The following ADGRB3 variants were observed in gnomAD, a reference collection of about 807,000 sequenced individuals.
ADGRB3 encodes brain-specific angiogenesis inhibitor 3.
ADGRB3 carries 37 observed loss-of-function variants against 193.4 expected under a neutral mutation model. The ratio of observed to expected loss-of-function variants is 0.19; its 90% CI spans 0.15 to 0.25. The LOEUF is 0.25. Among genes scored for constraint, ADGRB3 ranks in the 10% least tolerant of loss-of-function variants. The probability of loss-of-function intolerance (pLI) is 1.00; values close to 1 mark genes in which losing one functional copy is unlikely to be tolerated. For synonymous variants in ADGRB3, 690 were observed against 644.2 expected (o/e 1.07, Z -1.08); for missense variants, 1,637 against 1,852.9 (o/e 0.88, Z 2.14).
Position 69,131,916 on chromosome 6 carries a change from GGTTTACAGTTTCA to G in ADGRB3, c.2480+55879_2480+55891del, listed in dbSNP as rs536793663. On this transcript the variant is annotated intron_variant, in intron 17 of 31. Transcript: ENST00000370598. ...TCTGTGTTAGTTTGCTGAGAATGAT[GGTTTACAGTTTCA>G]TCCATGTCCCTGCAAAGGACATGAA... Among the ~76,000 whole-genome samples the G allele has an allele frequency of 1.8e-3, 271 of 152,080 alleles. 2 individuals carry two copies. Among genetic ancestry groups the G allele is most frequent in the Middle Eastern group, 0.01 (3 of 294 alleles).
chr6:68,981,294 T>C (rs1027521385), intron 10 of ADGRB3, among the ~76,000 whole-genome samples: 3 of 151,702 alleles, frequency 2.0e-5, no homozygotes, highest in Non-Finnish European at 3.0e-5. Flanking sequence ...TCCACAGTTA[T>C]GGAGTTTTTA....
chr6:69,040,357 C>CTTTCTTTCTTTCTTTCTTTCT (rs1562133191), intron 13 of ADGRB3, among the ~76,000 whole-genome samples: 4 of 63,178 alleles, frequency 6.3e-5, no homozygotes, highest in Admixed American at 2.1e-4. Context: ...TTCTTTCTTT[C>CTTTCTTTCTTTCTTTCTTTCT]TTTCTTTCTT....
chr6:68,680,486 G>A (rs934408742), intron 3 of ADGRB3, among the ~76,000 whole-genome samples: 14 of 152,108 alleles, frequency 9.2e-5, no homozygotes, highest in Non-Finnish European at 1.8e-4. Context: ...GGCCTTTAGA[G>A]CATTTTGGAC....
chr6:68,643,216 T>G (rs941150935), intron 3 of ADGRB3, among the ~76,000 whole-genome samples: 2 of 152,176 alleles, frequency 1.3e-5, no homozygotes, highest in Middle Eastern at 3.2e-3. Flanking sequence ...TGCTAATCCT[T>G]GATATTCTAC....
chr6:69,298,533 C>T (rs923883145), intron 20 of ADGRB3, among the ~76,000 whole-genome samples: 1 of 151,930 alleles, frequency 6.6e-6, no homozygotes, highest in Middle Eastern at 3.4e-3. Context: ...CTTTATTACC[C>T]TCTCCGTATT....
intron 3 of ADGRB3, among the ~76,000 whole-genome samples, chr6:68,847,056 G>T (rs76048982): frequency 0.03 from 4,569 of 152,254 alleles, 200 homozygotes; most frequent in African/African-American, 0.1. Flanking sequence ...GGAGTCAAAG[G>T]TGATCATTTT....
At chr6:69,060,396 GCT>G (rs2150306927) in intron 15 of ADGRB3, among the ~76,000 whole-genome samples, 1 of 152,042 alleles carries the variant, frequency 6.6e-6, no homozygotes, top group South Asian at 2.1e-4. Context: ...TAGCTACTTT[GCT>G]CCTTACAGAC....
chr6:69,277,352 A>G (rs1283479806), intron 20 of ADGRB3, among the ~76,000 whole-genome samples: 1 of 152,078 alleles, frequency 6.6e-6, no homozygotes, highest in Non-Finnish European at 1.5e-5. Flanking sequence ...ACTTTTTGCA[A>G]TGTGGCTCTA....
intron 3 of ADGRB3, among the ~76,000 whole-genome samples, chr6:68,870,397 G>C (rs1227013837): frequency 6.6e-6 from 1 of 152,122 alleles, no homozygotes; most frequent in Non-Finnish European, 1.5e-5. Flanking sequence ...AGCATGTCTT[G>C]AAAAATCAAG....
At chr6:69,302,627 T>A (rs1444871528) in intron 20 of ADGRB3, among the ~76,000 whole-genome samples, 1 of 151,910 alleles carries the variant, frequency 6.6e-6, no homozygotes, top group Non-Finnish European at 1.5e-5. Context: ...CACAGTACTC[T>A]ATGGAAAGGA....
chr6:69,141,666 A>G (rs1322033634), intron 17 of ADGRB3, among the ~76,000 whole-genome samples: 1 of 152,130 alleles, frequency 6.6e-6, no homozygotes, highest in African/African-American at 2.4e-5. Flanking sequence ...CAGGCAGTCC[A>G]TGTGGAACCG....
intron 3 of ADGRB3, among the ~76,000 whole-genome samples, chr6:68,842,639 G>T (rs993463503): frequency 1.3e-5 from 2 of 151,864 alleles, no homozygotes; most frequent in African/African-American, 4.8e-5. Context: ...CAAAATAGAG[G>T]AGGAGAGAAT....
chr6:68,649,403 A>G (rs1486264226), intron 3 of ADGRB3, among the ~76,000 whole-genome samples: 3 of 152,170 alleles, frequency 2.0e-5, no homozygotes, highest in Non-Finnish European at 4.4e-5. Context: ...GATAAATCTA[A>G]TCATTAAAAT....
At chr6:68,767,001 C>T (rs1258783656) in intron 3 of ADGRB3, among the ~76,000 whole-genome samples, 1 of 151,950 alleles carries the variant, frequency 6.6e-6, no homozygotes, top group Non-Finnish European at 1.5e-5. Flanking sequence ...TAGTCATGGT[C>T]GTATTTTCTC....
chr6:68,841,413 A>G (rs898859175), intron 3 of ADGRB3, among the ~76,000 whole-genome samples: 6 of 152,178 alleles, frequency 3.9e-5, no homozygotes, highest in Non-Finnish European at 8.8e-5. Flanking sequence ...TTCTCTGGCC[A>G]CAATGGAATA....
chr6:69,026,118 A>T (rs1770427009), intron 13 of ADGRB3, among the ~76,000 whole-genome samples: 1 of 152,224 alleles, frequency 6.6e-6, no homozygotes, highest in South Asian at 2.1e-4. Flanking sequence ...AATGAATTAG[A>T]CAAACCTCTT....
chr6:68,817,359 A>G (rs1418630912), intron 3 of ADGRB3, among the ~76,000 whole-genome samples: 2 of 86,008 alleles, frequency 2.3e-5, no homozygotes, highest in Non-Finnish European at 4.9e-5. Flanking sequence ...ATATATATAT[A>G]TAATTTCTGA....
At chr6:68,961,398 T>G (rs1768228911) in intron 8 of ADGRB3, among the ~76,000 whole-genome samples, 1 of 152,170 alleles carries the variant, frequency 6.6e-6, no homozygotes, top group Admixed American at 6.6e-5. Flanking sequence ...ATATTTTCCC[T>G]GCCTCTTATC....
chr6:68,733,159 G>T (rs1765803686), intron 3 of ADGRB3, among the ~76,000 whole-genome samples: 1 of 151,076 alleles, frequency 6.6e-6, no homozygotes, highest in East Asian at 2.0e-4. Context: ...TTCCCAAAAA[G>T]ACATCTGTAT....
Sources: allele counts gnomAD v4.1 joint callset (sites outside exome capture counted in the v4.1 genomes callset), GRCh38; gene constraint gnomAD v4.1.1; transcripts MANE v1.5; gene names NCBI Gene and HGNC (gene_info 2026-07-23, HGNC 2026-07-21).